SPOCK3: variants seen among roughly 807,000 people sequenced by gnomAD.
The protein encoded by SPOCK3 is SPARC (osteonectin), cwcv and kazal like domains proteoglycan 3.
SPOCK3 carries 30 observed loss-of-function variants against 56.6 expected under a neutral mutation model. The observed-to-expected ratio is 0.53, with a 90% CI of 0.40 to 0.72. SPOCK3 has a LOEUF of 0.72. Among genes scored for constraint, SPOCK3 ranks in the 30% least tolerant of loss-of-function variants. SPOCK3 has a pLI of 0.00. For missense variants in SPOCK3, 527 were observed against 530.0 expected, an observed-to-expected ratio of 0.99 and a Z score of 0.06; for synonymous variants, 196 against 183.3, an observed-to-expected ratio of 1.07 and a Z score of -0.56.
At chr4:166,840,604 C>A (rs1747133462) in intron 6 of SPOCK3, among the ~76,000 whole-genome samples, 1 of 151,862 alleles carries the variant, frequency 6.6e-6, no homozygotes, top group South Asian at 2.1e-4. Flanking sequence ...ATAAAATAAA[C>A]CAGGGAACTC....
At chr4:167,089,188 T>C (rs1758488980) in intron 2 of SPOCK3, among the ~76,000 whole-genome samples, 1 of 152,062 alleles carries the variant, frequency 6.6e-6, no homozygotes. Context: ...TATTTCTACA[T>C]GCCATTTGAG....
chr4:167,062,799 G>A, intron 2 of SPOCK3: 2 of 467,858 alleles, frequency 4.3e-6, no homozygotes, highest in East Asian at 3.3e-5. Flanking sequence ...GCAAGTCAAT[G>A]GTTACTATAA....
intron 6 of SPOCK3, among the ~76,000 whole-genome samples, chr4:166,821,778 G>T (rs1440679625): frequency 6.6e-6 from 1 of 151,904 alleles, no homozygotes; most frequent in African/African-American, 2.4e-5. Context: ...TAAGCATGAG[G>T]TTTCTTTGGG....
At chr4:166,966,411 C>T (rs1744741490) in intron 4 of SPOCK3, among the ~76,000 whole-genome samples, 1 of 152,110 alleles carries the variant, frequency 6.6e-6, no homozygotes, top group Non-Finnish European at 1.5e-5. Flanking sequence ...CTGTCTTCAG[C>T]TCAATCATAC....
intron 2 of SPOCK3, among the ~76,000 whole-genome samples, chr4:167,232,009 G>A (rs1409758688): frequency 1.3e-5 from 2 of 151,692 alleles, no homozygotes; most frequent in Non-Finnish European, 2.9e-5. Flanking sequence ...TAAAATTTAT[G>A]TACAATTTTG....
intron 6 of SPOCK3, among the ~76,000 whole-genome samples, chr4:166,856,841 TATAG>T (rs990732878): frequency 1.5e-4 from 23 of 151,992 alleles, no homozygotes; most frequent in African/African-American, 4.8e-4. Flanking sequence ...TCTCTCTATA[TATAG>T]ATAGATATGC....
chr4:166,954,951 T>A (rs896968659), intron 4 of SPOCK3, among the ~76,000 whole-genome samples: 12 of 152,158 alleles, frequency 7.9e-5, no homozygotes, highest in Non-Finnish European at 2.9e-5. Flanking sequence ...ATAGCATAAC[T>A]TTCTGAGACT....
intron 5 of SPOCK3, among the ~76,000 whole-genome samples, chr4:166,893,251 G>T (rs1734978586): frequency 6.6e-6 from 1 of 152,014 alleles, no homozygotes; most frequent in South Asian, 2.1e-4. Flanking sequence ...GCAATGAAAG[G>T]GTTAATTCAA....
chr4:166,849,836 C>T (rs1438069887), intron 6 of SPOCK3, among the ~76,000 whole-genome samples: 3 of 152,180 alleles, frequency 2.0e-5, no homozygotes, highest in Non-Finnish European at 4.4e-5. Flanking sequence ...TAAGTGGAAT[C>T]ATAGTACCTA....
chr4:167,158,453 T>A (rs1289114763), intron 2 of SPOCK3, among the ~76,000 whole-genome samples: 1 of 152,010 alleles, frequency 6.6e-6, no homozygotes, highest in East Asian at 1.9e-4. Context: ...CAACAATCTA[T>A]CACACATCTT....
intron 8 of SPOCK3, among the ~76,000 whole-genome samples, chr4:166,753,174 A>G (rs1178159983): frequency 6.7e-6 from 1 of 149,220 alleles, no homozygotes; most frequent in African/African-American, 2.5e-5. Context: ...ACACCAAAAA[A>G]TATGCTACCA....
chr4:167,090,102 T>C (rs1031962587), intron 2 of SPOCK3, among the ~76,000 whole-genome samples: 5 of 152,282 alleles, frequency 3.3e-5, no homozygotes, highest in Middle Eastern at 3.4e-3. Context: ...ACAAGTTTTG[T>C]GTGGACATAT....
intron 3 of SPOCK3, among the ~76,000 whole-genome samples, chr4:167,058,504 T>C (rs910122040): frequency 6.6e-6 from 1 of 152,002 alleles, no homozygotes; most frequent in African/African-American, 2.4e-5. Flanking sequence ...TAAAAGAGGA[T>C]ACAAACAAAT....
intron 2 of SPOCK3, among the ~76,000 whole-genome samples, chr4:167,130,760 A>T (rs1762640685): frequency 6.6e-6 from 1 of 152,222 alleles, no homozygotes; most frequent in Non-Finnish European, 1.5e-5. Flanking sequence ...TTTGTCTTAC[A>T]GTCAATCAGA....
chr4:166,970,820 T>TA (rs1330478306), intron 4 of SPOCK3, among the ~76,000 whole-genome samples: 1 of 151,926 alleles, frequency 6.6e-6, no homozygotes, highest in Non-Finnish European at 1.5e-5. Context: ...CCCCATGAAA[T>TA]AGAAATATAT....
At chr4:166,997,933 T>G (rs1245743227) in intron 4 of SPOCK3, among the ~76,000 whole-genome samples, 1 of 152,118 alleles carries the variant, frequency 6.6e-6, no homozygotes, top group Non-Finnish European at 1.5e-5. Context: ...GGACAAAAAT[T>G]GATCAATTAA....
intron 8 of SPOCK3, 167 bp downstream of exon 8, chr4:166,754,341 G>C: frequency 7.3e-7 from 1 of 1,367,942 alleles, no homozygotes. Context: ...ATCTCTGGCA[G>C]AGTTATTTGT....
intron 4 of SPOCK3, among the ~76,000 whole-genome samples, chr4:166,945,640 C>A (rs1227269677): frequency 6.6e-6 from 1 of 152,158 alleles, no homozygotes; most frequent in Admixed American, 6.6e-5. Context: ...ACCCTCCTCA[C>A]TCCAATTGAC....
chr4:167,019,539 T>C (rs1750970937), intron 3 of SPOCK3, among the ~76,000 whole-genome samples: 1 of 151,772 alleles, frequency 6.6e-6, no homozygotes, highest in Admixed American at 6.6e-5. Context: ...TACATGTTAC[T>C]TGTTTTGTAA....
Sources: allele counts gnomAD v4.1 joint callset (sites outside exome capture counted in the v4.1 genomes callset), GRCh38; gene constraint gnomAD v4.1.1; transcripts MANE v1.5; gene names NCBI Gene and HGNC (gene_info 2026-07-23, HGNC 2026-07-21).